NOX4: variants seen among roughly 807,000 people sequenced by gnomAD.
The protein encoded by NOX4 is kidney oxidase-1.
Under a neutral mutation model 87.6 loss-of-function variants are expected in NOX4, and 69 were observed. That is an observed-to-expected ratio of 0.79 (90% CI 0.65 to 0.96). The LOEUF is 0.96. NOX4 is among the 40% of genes least tolerant of loss of function. The pLI, the probability that NOX4 is intolerant of heterozygous loss-of-function variation, is 0.00. For synonymous variants in NOX4, 275 were observed against 238.2 expected, an observed-to-expected ratio of 1.15 and a Z score of -1.42; for missense variants, 680 against 681.5, an observed-to-expected ratio of 1.00 and a Z score of 0.02.
chr11:89,382,221 G>A (rs951676167), intron 11 of NOX4, among the ~76,000 whole-genome samples: 3 of 151,782 alleles, frequency 2.0e-5, no homozygotes, highest in Non-Finnish European at 2.9e-5. Flanking sequence ...TCTTCACTAT[G>A]GGCAACCTTC....
At chr11:89,545,041 T>A in the NOX4 span, 1 of 152,152 alleles carries the variant, frequency 6.6e-6, no homozygotes. Context: ...TATATTTAGA[T>A]TAGCTAGTAA....
intron 5 of NOX4, among the ~76,000 whole-genome samples, chr11:89,442,152 C>A: frequency 6.7e-6 from 1 of 150,130 alleles, no homozygotes; most frequent in Non-Finnish European, 1.5e-5. Flanking sequence ...GAGAAAAAAG[C>A]ATAAAGAGAG....
At chr11:89,464,000 T>C (rs1041092070) in intron 2 of NOX4, among the ~76,000 whole-genome samples, 1 of 152,098 alleles carries the variant, frequency 6.6e-6, no homozygotes, top group Non-Finnish European at 1.5e-5. Flanking sequence ...GTAGTTTTAA[T>C]GTAGCTGAAT....
At chr11:89,400,504 C>T (rs1375921531) in intron 9 of NOX4, 125 bp from the exon 10 acceptor site, 5 of 599,430 alleles carry the variant, frequency 8.3e-6, no homozygotes, top group South Asian at 5.3e-5. Context: ...AATAAGAAAA[C>T]ATAACAAATG....
chr11:89,387,359 C>G (rs777249996), intron 11 of NOX4, among the ~76,000 whole-genome samples: 2 of 151,854 alleles, frequency 1.3e-5, no homozygotes, highest in African/African-American at 2.4e-5. Flanking sequence ...ACCTTGTGAC[C>G]CCCATCCCTG....
At chr11:89,551,402 A>G in the NOX4 span, among the ~76,000 whole-genome samples, 1 of 152,150 alleles carries the variant, frequency 6.6e-6, no homozygotes, top group African/African-American at 2.4e-5. Context: ...CAGTATGGCC[A>G]TTTTCACAGT....
upstream of NOX4, among the ~76,000 whole-genome samples, chr11:89,501,511 G>T (rs958836809): frequency 6.6e-6 from 1 of 151,998 alleles, no homozygotes; most frequent in African/African-American, 2.4e-5. Context: ...TTTTGCTGTG[G>T]TTACTCCACA....
chr11:89,559,311 G>A, the NOX4 span, among the ~76,000 whole-genome samples: 21 of 152,220 alleles, frequency 1.4e-4, no homozygotes, highest in African/African-American at 5.1e-4. Flanking sequence ...AGAGGAAGGA[G>A]TCTATTTTAA....
chr11:89,421,023 C>T (rs935421182), intron 8 of NOX4, among the ~76,000 whole-genome samples: 4 of 152,150 alleles, frequency 2.6e-5, no homozygotes, highest in African/African-American at 9.7e-5. Context: ...TGCTTACCCA[C>T]ATGGGTTTCT....
At position 89,432,984 on chromosome 11, in the gene NOX4, A is replaced by C. The variant is rs1943888400; in HGVS notation, c.476-128T>G. 12 of 638,480 alleles carry C rather than the reference A, an allele frequency of 1.9e-5. No homozygotes were observed. In the East Asian group the frequency reaches 3.3e-4, roughly 18 times the overall value. 39.6% of individuals were successfully genotyped at this position (638,480 alleles called of 1,614,324 possible). A position where few individuals can be genotyped will look rare whatever the true frequency, so the allele number is the denominator to read the frequency against. ...AGCCTAATTCAAATCCCACATCTAC[A>C]TGTATGTTCTCCCTCAAACAAGCCC... is the stretch of plus-strand genomic sequence containing the variant. On this transcript the variant is annotated intron_variant, in intron 6 of 17. Transcript: ENST00000263317.
At chr11:89,328,915 G>T (rs1446332604) in intron 17 of NOX4, among the ~76,000 whole-genome samples, 1 of 152,046 alleles carries the variant, frequency 6.6e-6, no homozygotes, top group Non-Finnish European at 1.5e-5. Context: ...CCATCTGCAA[G>T]TCAAGGAGAG....
intron 12 of NOX4, among the ~76,000 whole-genome samples, chr11:89,359,176 C>T (rs1384145336): frequency 1.3e-5 from 2 of 152,054 alleles, no homozygotes; most frequent in African/African-American, 4.8e-5. Context: ...TCAACTGTGA[C>T]ACAATATACT....
At chr11:89,434,342 A>T (rs990558818) in intron 6 of NOX4, among the ~76,000 whole-genome samples, 1 of 152,218 alleles carries the variant, frequency 6.6e-6, no homozygotes, top group South Asian at 2.1e-4. Flanking sequence ...TCACTTTCCC[A>T]GTAGACAGTT....
chr11:89,509,492 A>G, the NOX4 span, among the ~76,000 whole-genome samples: 1 of 152,032 alleles, frequency 6.6e-6, no homozygotes, highest in Non-Finnish European at 1.5e-5. Flanking sequence ...CTAAGACTCA[A>G]CTTACTTTAG....
chr11:89,352,472 C>A (rs183567625), intron 13 of NOX4, among the ~76,000 whole-genome samples: 3 of 152,130 alleles, frequency 2.0e-5, no homozygotes, highest in Non-Finnish European at 4.4e-5. Flanking sequence ...GACAGTGATG[C>A]TTCTGGTAGA....
At chr11:89,345,638 C>A (rs3974683) in intron 13 of NOX4, among the ~76,000 whole-genome samples, 1 of 152,066 alleles carries the variant, frequency 6.6e-6, no homozygotes, top group African/African-American at 2.4e-5. Context: ...TTCATGTCTA[C>A]GTGTACCCAA....
intron 3 of NOX4, among the ~76,000 whole-genome samples, chr11:89,450,184 C>T (rs1275263224): frequency 6.6e-6 from 1 of 152,140 alleles, no homozygotes; most frequent in Admixed American, 6.6e-5. Context: ...TAGCCAACCA[C>T]AGGGATCAAA....
At chr11:89,353,198 G>A (rs1937696134) in intron 13 of NOX4, among the ~76,000 whole-genome samples, 1 of 152,232 alleles carries the variant, frequency 6.6e-6, no homozygotes, top group Non-Finnish European at 1.5e-5. Flanking sequence ...GGGTTTGAGA[G>A]GATTGAGTAC....
the NOX4 span, among the ~76,000 whole-genome samples, chr11:89,534,489 T>G: frequency 6.6e-6 from 1 of 152,216 alleles, no homozygotes; most frequent in Non-Finnish European, 1.5e-5. Context: ...CCACATATCA[T>G]AACTAACATG....
Sources: gnomAD v4.1 joint callset for allele counts (sites outside exome capture counted in the v4.1 genomes callset) on GRCh38, gnomAD v4.1.1 for gene constraint, MANE v1.5 for transcripts, NCBI Gene and HGNC (gene_info 2026-07-23, HGNC 2026-07-21) for gene names.